The following CTNND2 variants were observed in gnomAD, a reference collection of about 807,000 sequenced individuals.
CTNND2 encodes the protein catenin delta 2, also known as catenin delta-2.
CTNND2 carries 22 observed loss-of-function variants against 144.4 expected under a neutral mutation model. The ratio of observed to expected loss-of-function variants is 0.15; its 90% CI spans 0.11 to 0.22. The LOEUF (loss-of-function observed/expected upper bound fraction) is 0.22, where lower values mean the gene tolerates loss of function less well. Among genes scored for constraint, CTNND2 ranks in the 10% least tolerant of loss-of-function variants. The pLI, the probability that CTNND2 is intolerant of heterozygous loss-of-function variation, is 1.00. For missense variants in CTNND2, 1,353 were observed against 1,618.8 expected, an observed-to-expected ratio of 0.84 and a Z score of 2.82; for synonymous variants, 751 against 695.6, an observed-to-expected ratio of 1.08 and a Z score of -1.25.
intron 8 of CTNND2, among the ~76,000 whole-genome samples, chr5:11,348,144 ATGTGT>A (rs1754980944): frequency 6.6e-6 from 1 of 152,218 alleles, no homozygotes. Context: ...GGTTGTCCTG[ATGTGT>A]TAAGTCTCAA....
At chr5:11,388,737 A>G (rs547091520) in intron 6 of CTNND2, among the ~76,000 whole-genome samples, 4 of 152,228 alleles carry the variant, frequency 2.6e-5, no homozygotes, top group Non-Finnish European at 5.9e-5. Context: ...CTGTCATTCA[A>G]GCCAGCTGCA....
intron 1 of CTNND2, among the ~76,000 whole-genome samples, chr5:11,885,363 T>C (rs1032876923): frequency 1.2e-4 from 19 of 152,156 alleles, no homozygotes; most frequent in Non-Finnish European, 1.9e-4. Context: ...ACGTTTTCCA[T>C]GCAAATAGAA....
At chr5:11,289,114 T>A (rs1025689578) in intron 9 of CTNND2, among the ~76,000 whole-genome samples, 2 of 152,214 alleles carry the variant, frequency 1.3e-5, no homozygotes, top group Non-Finnish European at 2.9e-5. Context: ...CAGGCCACTA[T>A]CTGCACACCT....
At chr5:11,879,734 A>G (rs1735887969) in intron 1 of CTNND2, among the ~76,000 whole-genome samples, 2 of 152,192 alleles carry the variant, frequency 1.3e-5, no homozygotes, top group African/African-American at 4.8e-5. Context: ...ATGAAAGTAT[A>G]TATATGCTAT....
chr5:11,395,587 A>G (rs537165365), intron 6 of CTNND2, among the ~76,000 whole-genome samples: 1 of 152,344 alleles, frequency 6.6e-6, no homozygotes, highest in Non-Finnish European at 1.5e-5. Context: ...TTTCTGATTA[A>G]ACTTTAAAGC....
chr5:11,649,911 C>T (rs1308418388), intron 2 of CTNND2, among the ~76,000 whole-genome samples: 1 of 152,090 alleles, frequency 6.6e-6, no homozygotes, highest in African/African-American at 2.4e-5. Flanking sequence ...AATCATTTCA[C>T]AGAAAACCAA....
chr5:11,342,293 T>C (rs1754356590), intron 9 of CTNND2, among the ~76,000 whole-genome samples: 2 of 152,232 alleles, frequency 1.3e-5, no homozygotes, highest in South Asian at 2.1e-4. Flanking sequence ...TGGAAATGTA[T>C]ACATAATTCC....
intron 12 of CTNND2, among the ~76,000 whole-genome samples, chr5:11,128,141 T>C (rs558604603): frequency 2.0e-5 from 3 of 152,210 alleles, no homozygotes; most frequent in East Asian, 1.9e-4. Flanking sequence ...TTTCCCTGGC[T>C]GGAGTCAGAG....
At chr5:11,380,810 AC>A (rs1758409653) in intron 7 of CTNND2, among the ~76,000 whole-genome samples, 2 of 152,198 alleles carry the variant, frequency 1.3e-5, no homozygotes, top group Admixed American at 1.3e-4. Flanking sequence ...ATGACCCGAA[AC>A]CCTCAGATAG....
At chr5:11,455,844 T>C (rs887840636) in intron 3 of CTNND2, among the ~76,000 whole-genome samples, 8 of 152,170 alleles carry the variant, frequency 5.3e-5, no homozygotes, top group African/African-American at 1.9e-4. Flanking sequence ...TTGTTTTCCA[T>C]CCGAACCAAG....
chr5:11,453,023 T>G (rs2149916579), intron 3 of CTNND2, among the ~76,000 whole-genome samples: 1 of 152,326 alleles, frequency 6.6e-6, no homozygotes. Flanking sequence ...TCAGACTTTC[T>G]TGGCTACCCT....
chr5:11,080,016 T>C (rs61757079), intron 16 of CTNND2, among the ~76,000 whole-genome samples: 1 of 150,362 alleles, frequency 6.7e-6, no homozygotes, highest in African/African-American at 2.5e-5. Flanking sequence ...AGAAAAAAAA[T>C]AATGGAATGA....
At chr5:11,289,154 G>A (rs1167622049) in intron 9 of CTNND2, among the ~76,000 whole-genome samples, 1 of 152,176 alleles carries the variant, frequency 6.6e-6, no homozygotes, top group Non-Finnish European at 1.5e-5. Context: ...TCCTCGTGCT[G>A]TTCTCTGTGT....
chr5:11,650,006 T>C (rs1251054648), intron 2 of CTNND2, among the ~76,000 whole-genome samples: 1 of 152,206 alleles, frequency 6.6e-6, no homozygotes, highest in Non-Finnish European at 1.5e-5. Context: ...ATTTTTGTTA[T>C]ACACTCTTGG....
chr5:11,420,293 A>G (rs1275861383), intron 3 of CTNND2, among the ~76,000 whole-genome samples: 1 of 152,184 alleles, frequency 6.6e-6, no homozygotes, highest in Non-Finnish European at 1.5e-5. Context: ...ACTGCATTCC[A>G]GCCCGGGCGA....
chr5:11,844,029 G>A (rs1794617696), intron 1 of CTNND2, among the ~76,000 whole-genome samples: 1 of 152,100 alleles, frequency 6.6e-6, no homozygotes, highest in Non-Finnish European at 1.5e-5. Flanking sequence ...AGTCCCAGTT[G>A]TCATCAAGCT....
At chr5:11,138,492 C>T (rs139818641) in intron 12 of CTNND2, among the ~76,000 whole-genome samples, 1 of 152,304 alleles carries the variant, frequency 6.6e-6, no homozygotes, top group Non-Finnish European at 1.5e-5. Context: ...CAGTGCGTGT[C>T]CTGACACAGC....
intron 3 of CTNND2, among the ~76,000 whole-genome samples, chr5:11,553,497 A>G (rs181949113): frequency 6.6e-6 from 1 of 152,390 alleles, no homozygotes; most frequent in Admixed American, 6.5e-5. Flanking sequence ...GAGATGGTTT[A>G]CTTACATTTC....
At chr5:11,887,718 G>C (rs914966891) in intron 1 of CTNND2, among the ~76,000 whole-genome samples, 1 of 151,738 alleles carries the variant, frequency 6.6e-6, no homozygotes, top group Non-Finnish European at 1.5e-5. Context: ...ACTATTCCAG[G>C]GCCCCATCCA....
Sources: gnomAD v4.1 joint callset for allele counts (sites outside exome capture counted in the v4.1 genomes callset) on GRCh38, gnomAD v4.1.1 for gene constraint, MANE v1.5 for transcripts, NCBI Gene and HGNC (gene_info 2026-07-23, HGNC 2026-07-21) for gene names.